CAPN8: variants seen among roughly 807,000 people sequenced by gnomAD.
CAPN8 encodes the protein calpain-8.
CAPN8 carries 87 observed loss-of-function variants against 80.9 expected under a neutral mutation model. That is an observed-to-expected ratio of 1.07 (90% CI 0.90 to 1.28). CAPN8 has a LOEUF of 1.28. Ranked by LOEUF, CAPN8 falls within the 50% of genes most tolerant of loss-of-function variation. The pLI is 0.00. For synonymous variants in CAPN8, 299 were observed against 273.8 expected (o/e 1.09, Z -0.91); for missense variants, 757 against 702.0 (o/e 1.08, Z -0.89).
chr1:223,615,689 G>A, intron 10 of CAPN8: 2 of 535,752 alleles, frequency 3.7e-6, no homozygotes, highest in Admixed American at 4.5e-5. Context: ...ACTTGGAAAA[G>A]AGTCTAATGA....
chr1:223,621,849 GAGAC>G (rs2102707198), intron 7 of CAPN8, among the ~76,000 whole-genome samples: 1 of 152,190 alleles, frequency 6.6e-6, no homozygotes, highest in African/African-American at 2.4e-5. Context: ...CTTTGTCCAT[GAGAC>G]TGGCTAATTA....
At chr1:223,641,730 A>T (rs1658048224) in intron 2 of CAPN8, among the ~76,000 whole-genome samples, 1 of 152,250 alleles carries the variant, frequency 6.6e-6, no homozygotes, top group South Asian at 2.1e-4. Context: ...TCCTAGCCAA[A>T]GGACCTTTAT....
At chr1:223,657,139 GT>G (rs1245160444) in intron 1 of CAPN8, among the ~76,000 whole-genome samples, 3 of 152,050 alleles carry the variant, frequency 2.0e-5, no homozygotes, top group African/African-American at 7.2e-5. Flanking sequence ...TGGACCTTTA[GT>G]TTTTTGTTTA....
intron 15 of CAPN8, 113 bp downstream of exon 15, chr1:223,550,847 C>A: frequency 3.2e-6 from 2 of 632,698 alleles, no homozygotes; most frequent in Non-Finnish European, 5.7e-6. Context: ...GGTCAGACAC[C>A]AATGCCCTTT....
At chr1:223,622,675 C>G in intron 7 of CAPN8, 140 bp downstream of exon 7, 2 of 691,582 alleles carry the variant, frequency 2.9e-6, no homozygotes, top group Non-Finnish European at 5.1e-6. Flanking sequence ...ATTTAATACT[C>G]TTTTCTGAAC....
chr1:223,661,168 A>AC, intron 1 of CAPN8, among the ~76,000 whole-genome samples: 1 of 147,070 alleles, frequency 6.8e-6, no homozygotes, highest in South Asian at 2.1e-4. Context: ...CCTGTCTTAA[A>AC]AAAAAAAAAA....
chr1:223,649,241 C>A (rs1278102199), intron 2 of CAPN8, among the ~76,000 whole-genome samples: 1 of 152,222 alleles, frequency 6.6e-6, no homozygotes, highest in East Asian at 1.9e-4. Context: ...ATTTTCACAA[C>A]CATAGGCACA....
intron 10 of CAPN8, among the ~76,000 whole-genome samples, chr1:223,614,589 G>A (rs542317744): frequency 3.9e-5 from 6 of 152,232 alleles, no homozygotes; most frequent in Admixed American, 2.6e-4. Context: ...TCTCCTCCTC[G>A]ATGAAGCTGA....
chr1:223,609,777 C>T (rs1476666263), intron 11 of CAPN8, among the ~76,000 whole-genome samples: 4 of 152,334 alleles, frequency 2.6e-5, no homozygotes, highest in East Asian at 1.9e-4. Flanking sequence ...GAGCTTAAAT[C>T]CTAGTCCTCA....
At chr1:223,665,299 G>A in intron 1 of CAPN8, 111 bp downstream of exon 1, 2 of 801,778 alleles carry the variant, frequency 2.5e-6, no homozygotes, top group Non-Finnish European at 3.9e-6. Flanking sequence ...TCTGAAATAT[G>A]AGATCCAGAC....
chr1:223,641,929 C>A (rs375910400), intron 2 of CAPN8, among the ~76,000 whole-genome samples: 101 of 152,306 alleles, frequency 6.6e-4, no homozygotes, highest in African/African-American at 2.4e-3. Flanking sequence ...CACGTGTTCC[C>A]TCACTCCTGT....
intron 10 of CAPN8, among the ~76,000 whole-genome samples, chr1:223,615,402 G>A (rs1021181373): frequency 2.6e-5 from 4 of 152,192 alleles, no homozygotes; most frequent in Non-Finnish European, 4.4e-5. Context: ...TGGCTGCCAG[G>A]AAAACTGGCA....
At chr1:223,653,105 A>G (rs1423582521) in intron 2 of CAPN8, among the ~76,000 whole-genome samples, 2 of 151,432 alleles carry the variant, frequency 1.3e-5, no homozygotes, top group Non-Finnish European at 2.9e-5. Flanking sequence ...TAGGTTAAAC[A>G]TGGAGCTGGA....
intron 17 of CAPN8, 37 bp from the exon 18 acceptor site, chr1:223,544,887 A>G: frequency 6.4e-7 from 1 of 1,551,162 alleles, no homozygotes. Context: ...GAAAACAACC[A>G]TTCACGGCCC....
rs1225409250 is a variant in CAPN8, at chr1:223,609,322, G to A, written c.1366C>T (p.Leu456=). ...GTGCGGGCTGAGGGCTGGTAGGCCAGGAAGAAATCCCGGCCCAAGTGTGCG... is the reference window on the plus strand; with the variant it reads ...GTGCGGGCTGAGGGCTGGTAGGCCAAGAAGAAATCCCGGCCCAAGTGTGCG... ...TDAHLGRDFF[L]AYQPSARTST... Residue 456 remains leucine (L), a synonymous_variant, in exon 12 of 21, where the codon CTG becomes TTG. Transcript: ENST00000366872. 3 of 398,462 alleles carry A rather than the reference G, an allele frequency of 7.5e-6. No homozygotes were observed. Among genetic ancestry groups the A allele is most frequent in the Non-Finnish European group, 1.3e-5 (3 of 226,054 alleles). 24.7% of individuals were successfully genotyped at this position (398,462 alleles called of 1,614,324 possible).
At chr1:223,551,751 C>T (rs1268417634) in intron 14 of CAPN8, among the ~76,000 whole-genome samples, 1 of 152,244 alleles carries the variant, frequency 6.6e-6, no homozygotes, top group East Asian at 1.9e-4. Context: ...CTGCTGAACA[C>T]TGTATACATG....
chr1:223,612,086 C>A (rs1257178948), intron 11 of CAPN8, among the ~76,000 whole-genome samples, 160 bp downstream of exon 11: 2 of 152,214 alleles, frequency 1.3e-5, no homozygotes, highest in African/African-American at 4.8e-5. Context: ...ACTCTCAGAG[C>A]TACCAGCCTA....
chr1:223,608,954 T>G (rs1656966207), intron 12 of CAPN8, among the ~76,000 whole-genome samples, 199 bp downstream of exon 12: 1 of 148,396 alleles, frequency 6.7e-6, no homozygotes, highest in African/African-American at 2.5e-5. Flanking sequence ...TGGTTCTCTT[T>G]CTCTCCGTGA....
chr1:223,657,520 A>G (rs1658530081), intron 1 of CAPN8, among the ~76,000 whole-genome samples: 1 of 152,198 alleles, frequency 6.6e-6, no homozygotes, highest in Non-Finnish European at 1.5e-5. Context: ...TAATCCCAGC[A>G]CTTTGAGAGG....
Sources: allele counts gnomAD v4.1 joint callset (sites outside exome capture counted in the v4.1 genomes callset), GRCh38; gene constraint gnomAD v4.1.1; transcripts MANE v1.5; gene names NCBI Gene and HGNC (gene_info 2026-07-23, HGNC 2026-07-21).